Variants in LTBP1 observed in about 807,000 individuals in gnomAD.
The protein encoded by LTBP1 is latent-transforming growth factor beta-binding protein 1.
LTBP1 carries 129 observed loss-of-function variants against 207.6 expected under a neutral mutation model. That is an observed-to-expected ratio of 0.62 (90% CI 0.54 to 0.72). LTBP1 has a LOEUF of 0.72. Ranked by LOEUF, LTBP1 falls within the 30% of genes least tolerant of loss-of-function variation. The pLI is 0.00. For synonymous variants in LTBP1, 963 were observed against 833.7 expected, an observed-to-expected ratio of 1.16 and a Z score of -2.67; for missense variants, 2,281 against 2,217.2, an observed-to-expected ratio of 1.03 and a Z score of -0.58.
chr2:33,161,042 G>T (rs1487167618), intron 5 of LTBP1, among the ~76,000 whole-genome samples: 1 of 152,130 alleles, frequency 6.6e-6, no homozygotes, highest in East Asian at 1.9e-4. Flanking sequence ...TAGACTTTGA[G>T]TATTGACTCT....
chr2:32,971,239 T>C (rs1232621145), intron 2 of LTBP1, among the ~76,000 whole-genome samples: 2 of 152,030 alleles, frequency 1.3e-5, no homozygotes, highest in Non-Finnish European at 2.9e-5. Context: ...TGTCTGCAAA[T>C]AGAGAGAGTT....
rs370952869 is a variant in LTBP1, at chr2:33,171,139, C to T, written c.1202-15717C>T. ...AAGGAACGCAGTTCCTCACCAGCAA[C>T]GGAACAAAGCTGGACGGAGAATGAC... is the stretch of plus-strand genomic sequence containing the variant. On this transcript the variant is annotated intron_variant, in intron 5 of 33. Coordinates refer to ENST00000404816, the MANE Select transcript of LTBP1 (RefSeq NM_206943.4). 3.2e-4 allele frequency among the ~76,000 whole-genome samples: 42 copies of T among 132,374 alleles called. 1 individual carries two copies. In the South Asian group the frequency reaches 8.0e-3, roughly 25 times the overall value. 86.8% of individuals were successfully genotyped at this position (132,374 alleles called of 152,430 possible).
At chr2:32,998,731 C>T (rs1461083244) in intron 2 of LTBP1, among the ~76,000 whole-genome samples, 2 of 151,982 alleles carry the variant, frequency 1.3e-5, no homozygotes, top group Admixed American at 6.6e-5. Context: ...GAGAGTCATA[C>T]AAGAGCTTGC....
At chr2:33,023,311 A>G (rs1195881810) in intron 3 of LTBP1, among the ~76,000 whole-genome samples, 2 of 152,190 alleles carry the variant, frequency 1.3e-5, no homozygotes, top group African/African-American at 4.8e-5. Context: ...TTGACCCTCT[A>G]TGATGTATAT....
At chr2:33,397,370 T>A in intron 33 of LTBP1, 88 bp downstream of exon 33, 2 of 1,492,638 alleles carry the variant, frequency 1.3e-6, no homozygotes, top group East Asian at 4.6e-5. Context: ...ATAGATTTGC[T>A]GAGTTTCAGT....
chr2:33,218,953 C>T (rs1328132593), intron 8 of LTBP1, among the ~76,000 whole-genome samples: 1 of 152,120 alleles, frequency 6.6e-6, no homozygotes, highest in Non-Finnish European at 1.5e-5. Context: ...CCTCTATATT[C>T]AATCTAGGAT....
intron 2 of LTBP1, among the ~76,000 whole-genome samples, chr2:32,971,518 A>T (rs1221327118): frequency 1.3e-5 from 2 of 152,096 alleles, no homozygotes; most frequent in East Asian, 1.9e-4. Context: ...ATTGATTGTT[A>T]TCAAAAGCCT....
At chr2:33,178,894 C>CT (rs1460422987) in intron 5 of LTBP1, among the ~76,000 whole-genome samples, 2 of 152,056 alleles carry the variant, frequency 1.3e-5, no homozygotes, top group Non-Finnish European at 1.5e-5. Context: ...TTCTGGCATG[C>CT]TTTATTTTCC....
intron 5 of LTBP1, among the ~76,000 whole-genome samples, chr2:33,182,619 GC>G (rs1189880716): frequency 1.4e-5 from 2 of 147,528 alleles, no homozygotes; most frequent in Non-Finnish European, 3.0e-5. Context: ...CCGAGATGGC[GC>G]CACTGCACTC....
At chr2:32,950,441 C>A (rs1442871153) in intron 2 of LTBP1, among the ~76,000 whole-genome samples, 1 of 151,892 alleles carries the variant, frequency 6.6e-6, no homozygotes, top group African/African-American at 2.4e-5. Context: ...TGCCTGTAAT[C>A]CCAGCTACTG....
At chr2:33,268,594 C>G (rs1326157193) in intron 15 of LTBP1, among the ~76,000 whole-genome samples, 1 of 152,202 alleles carries the variant, frequency 6.6e-6, no homozygotes, top group African/African-American at 2.4e-5. Flanking sequence ...ATACCATTTT[C>G]AAGTGAATTA....
At chr2:33,097,595 C>T (rs2079467404) in intron 3 of LTBP1, among the ~76,000 whole-genome samples, 1 of 152,176 alleles carries the variant, frequency 6.6e-6, no homozygotes, top group African/African-American at 2.4e-5. Context: ...GCTTTTCCCA[C>T]TTTATAATGG....
At chr2:33,391,468 T>A (rs911028195) in intron 32 of LTBP1, among the ~76,000 whole-genome samples, 1 of 152,152 alleles carries the variant, frequency 6.6e-6, no homozygotes. Context: ...GAAGAATTAT[T>A]AAGGTTGAAA....
In LTBP1 at chr2:33,224,098, A is replaced by G. The variant is rs1281282962; in HGVS notation, c.1876+1947A>G. Among the ~76,000 whole-genome samples the G allele has an allele frequency of 2.0e-5, 3 of 152,222 alleles. No homozygotes were observed. The East Asian group carries it at 5.8e-4, about 29-fold the overall frequency. Reference sequence around the variant, plus strand: ...TAGAACTGGAATGTGCCTATGGGCCATCTAACCTTATATGCTGTTCAGGAT... The same window carrying G: ...TAGAACTGGAATGTGCCTATGGGCCGTCTAACCTTATATGCTGTTCAGGAT... On this transcript the variant is annotated intron_variant, in intron 9 of 33. Transcript: ENST00000404816.
intron 5 of LTBP1, among the ~76,000 whole-genome samples, chr2:33,172,441 A>C (rs371056694): frequency 4.1e-4 from 62 of 152,238 alleles, no homozygotes; most frequent in African/African-American, 1.4e-3. Context: ...ATCAATTCAA[A>C]AAGAAGAGCT....
At chr2:33,135,970 G>T (rs1185731999) in intron 5 of LTBP1, among the ~76,000 whole-genome samples, 1 of 152,180 alleles carries the variant, frequency 6.6e-6, no homozygotes, top group African/African-American at 2.4e-5. Flanking sequence ...GTGTGTCTGG[G>T]GGGGTGGTAG....
At chr2:32,947,981 A>C (rs1256560305) in intron 1 of LTBP1, among the ~76,000 whole-genome samples, 163 bp downstream of exon 1, 1 of 152,060 alleles carries the variant, frequency 6.6e-6, no homozygotes, top group Non-Finnish European at 1.5e-5. Flanking sequence ...CGCCGCGGGA[A>C]GAGGGGAGTG....
intron 5 of LTBP1, among the ~76,000 whole-genome samples, chr2:33,168,695 A>AT (rs1442395824): frequency 1.3e-5 from 2 of 151,996 alleles, no homozygotes; most frequent in Non-Finnish European, 2.9e-5. Flanking sequence ...GAAAAAAAAA[A>AT]GGCATCAGGA....
intron 28 of LTBP1, among the ~76,000 whole-genome samples, chr2:33,361,906 T>G (rs931048747): frequency 1.3e-5 from 2 of 152,222 alleles, no homozygotes; most frequent in African/African-American, 4.8e-5. Context: ...ATTTGACCAC[T>G]GTTTGTCTTT....
Sources: gnomAD v4.1 joint callset for allele counts (sites outside exome capture counted in the v4.1 genomes callset) on GRCh38, gnomAD v4.1.1 for gene constraint, MANE v1.5 for transcripts, NCBI Gene and HGNC (gene_info 2026-07-23, HGNC 2026-07-21) for gene names.